Variants in DLGAP4 observed in about 807,000 individuals in gnomAD.
DLGAP4 encodes DLG associated protein 4, also known as disks large-associated protein 4.
DLGAP4 carries 18 observed loss-of-function variants against 86.9 expected under a neutral mutation model. The ratio of observed to expected loss-of-function variants is 0.21; its 90% confidence interval spans 0.14 to 0.31. DLGAP4 has a LOEUF of 0.31. Ranked by LOEUF, DLGAP4 falls within the 10% of genes least tolerant of loss-of-function variation. DLGAP4 has a pLI of 1.00. For synonymous variants in DLGAP4, 548 were observed against 574.3 expected, an observed-to-expected ratio of 0.95 and a Z score of 0.65; for missense variants, 1,085 against 1,362.6, an observed-to-expected ratio of 0.80 and a Z score of 3.21.
At chr20:36,498,986 A>G (rs1222447236) in intron 8 of DLGAP4, 1 of 473,952 alleles carries the variant, frequency 2.1e-6, no homozygotes, top group African/African-American at 2.0e-5. Flanking sequence ...CCAAGTGTGA[A>G]TAACGTCCAG....
At position 36,439,803 on chromosome 20, in the gene DLGAP4, C is replaced by T; in HGVS notation, c.1291C>T (p.Pro431Ser). 1 of 1,613,900 alleles carries T rather than the reference C, an allele frequency of 6.2e-7. No individual in the cohort carries two copies. Among genetic ancestry groups the T allele is most frequent in the Non-Finnish European group, 8.5e-7 (1 of 1,180,004 alleles). The change falls in exon 5 of 13, where the codon CCG (proline) becomes TCG (serine). Residue 431 changes from proline to serine, a missense_variant. Around this residue, in one of 2 missense-constraint regions of DLGAP4, gnomAD observed 1,082 missense variants for 1,344.1 expected, o/e 0.81. Transcript: ENST00000339266. ...SVDMLLPSKC[P>S]SWEEDYTPVS... ...GGACATGCTGCTGCCCTCCAAGTGT[C>T]CGAGCTGGGAAGAGGACTACACCCC...
intron 2 of DLGAP4, among the ~76,000 whole-genome samples, chr20:36,385,715 G>A (rs1183349070): frequency 8.5e-5 from 13 of 152,168 alleles, no homozygotes; most frequent in Non-Finnish European, 1.9e-4. Context: ...CGCCTCATGG[G>A]GCTGCTGTCA....
chr20:36,473,413 CCTT>C (rs1456745759), intron 7 of DLGAP4, among the ~76,000 whole-genome samples: 2 of 152,208 alleles, frequency 1.3e-5, no homozygotes, highest in South Asian at 2.1e-4. Context: ...GGAGGGAGCT[CCTT>C]CTATCTCTGC....
intron 1 of DLGAP4, among the ~76,000 whole-genome samples, chr20:36,333,205 G>A (rs1555891754): frequency 6.6e-6 from 1 of 152,134 alleles, no homozygotes; most frequent in African/African-American, 2.4e-5. Flanking sequence ...ACAGAGGATG[G>A]GGACAGGGTT....
intron 8 of DLGAP4, 198 bp from the exon 9 acceptor site, chr20:36,499,390 C>A: frequency 6.6e-7 from 1 of 1,519,322 alleles, no homozygotes; most frequent in Non-Finnish European, 8.9e-7. Context: ...CGCCTGCCCG[C>A]CTCCACGCGA....
chr20:36,306,849 T>C lies in DLGAP4; in HGVS notation c.-304+337T>C, dbSNP rs540226744. ...GCTCTTTTTCCCGCGGACTCCCCCG[T>C]ACCCCATATCAAGCGGCTGCCAAAG... On this transcript the variant is annotated intron_variant, in intron 1 of 12. Transcript: ENST00000339266. This position sits in a 1 kb window ranked among gnomAD's most constrained non-coding sequence, Gnocchi z 4.9. 1.1e-4 allele frequency among the ~76,000 whole-genome samples: 17 copies of C among 152,064 alleles called. No homozygotes were observed. The East Asian group carries it at 3.3e-3, about 30-fold the overall frequency.
At chr20:36,499,354 A>AACCCCCCC in intron 8 of DLGAP4, 2 of 1,072,078 alleles carry the variant, frequency 1.9e-6, no homozygotes, top group Non-Finnish European at 2.4e-6. Flanking sequence ...ACCCCATCCC[A>AACCCCCCC]CCTCCCGCCC....
At chr20:36,311,756 G>A (rs1436775442) in intron 1 of DLGAP4, among the ~76,000 whole-genome samples, 1 of 152,188 alleles carries the variant, frequency 6.6e-6, no homozygotes, top group Non-Finnish European at 1.5e-5. Flanking sequence ...CTGCACAGCC[G>A]GTGAAGTGGA....
chr20:36,422,444 G>A (rs1240341657), intron 2 of DLGAP4, among the ~76,000 whole-genome samples: 4 of 152,132 alleles, frequency 2.6e-5, no homozygotes, highest in African/African-American at 7.2e-5. Context: ...GGGAAGGGCC[G>A]TCAAGAAAGG....
intron 1 of DLGAP4, among the ~76,000 whole-genome samples, chr20:36,343,953 T>C (rs1236531988): frequency 2.0e-5 from 3 of 152,232 alleles, no homozygotes; most frequent in Admixed American, 1.3e-4. Flanking sequence ...GTGGGATCAC[T>C]ACTGAGGGAG....
At position 36,528,446 on chromosome 20, in the gene DLGAP4, A is replaced by C. The variant is rs6025504; in HGVS notation, c.*1415A>C. The stretch of plus-strand genomic sequence containing the variant: ...TGGCTGGCGCTTGCTGCAGGGGGGG[A>C]CCCCCCCCCGTCCCCAGGTGAACCA... On this transcript the variant is annotated 3_prime_UTR_variant, in exon 13 of 13. Coordinates refer to ENST00000339266, the MANE Select transcript of DLGAP4 (RefSeq NM_001365621.2). 82,159 of 141,006 alleles carry C rather than the reference A, an allele frequency of 0.58. 25,864 individuals carry two copies. Among genetic ancestry groups the C allele is most frequent in the Non-Finnish European group, 0.73 (47,666 of 65,392 alleles). The allele number at this position is 141,006 out of a possible 1,614,324, so 8.7% of individuals were successfully genotyped here.
chr20:36,467,063 T>TCC lies in DLGAP4; in HGVS notation c.1648+20134_1648+20135dup, dbSNP rs562510099. ...CTCTCTCTCTCTCTCTCTCTCTCTCTCCCCCCCCCTTCTCTCGGCCCTGCC... is the reference window on the plus strand; with the variant it reads ...CTCTCTCTCTCTCTCTCTCTCTCTCTCCCCCCCCCCCTTCTCTCGGCCCTGCC... On this transcript the variant is annotated intron_variant, in intron 7 of 12. Coordinates refer to ENST00000339266, the MANE Select transcript of DLGAP4 (RefSeq NM_001365621.2). 2.4e-3 allele frequency among the ~76,000 whole-genome samples: 93 copies of TCC among 39,378 alleles called. 4 individuals carry two copies. Among genetic ancestry groups the TCC allele is most frequent in the East Asian group, 7.4e-3 (11 of 1,478 alleles). 25.8% of individuals were successfully genotyped at this position (39,378 alleles called of 152,430 possible). A position where few individuals can be genotyped will look rare whatever the true frequency, so the allele number is the denominator to read the frequency against.
chr20:36,382,411 G>A (rs1316887344), intron 2 of DLGAP4, among the ~76,000 whole-genome samples: 1 of 151,856 alleles, frequency 6.6e-6, no homozygotes, highest in Non-Finnish European at 1.5e-5. Context: ...GGGCAGGGTA[G>A]AGACTGAGTA....
chr20:36,513,394 A>C (rs1330933594), intron 10 of DLGAP4, among the ~76,000 whole-genome samples: 2 of 148,978 alleles, frequency 1.3e-5, no homozygotes, highest in Admixed American at 6.7e-5. Context: ...TAAAAATACA[A>C]AAAATTAGCC....
chr20:36,528,571 G>A lies in DLGAP4; in HGVS notation c.*1540G>A, dbSNP rs962937839. 2 of 152,710 alleles carry A rather than the reference G, an allele frequency of 1.3e-5. No homozygotes were observed. The highest frequency in any genetic ancestry group is 1.3e-4 in the Admixed American group (2 of 15,266). The allele number at this position is 152,710 out of a possible 1,614,324, so 9.5% of individuals were successfully genotyped here. ...CCTCAACTTCCTCCTCTGTAAAACG[G>A]GGACAGTCCCTGCCCCTCCCTACCT... is the stretch of plus-strand genomic sequence containing the variant. On this transcript the variant is annotated 3_prime_UTR_variant, in exon 13 of 13. Coordinates refer to ENST00000339266, the MANE Select transcript of DLGAP4 (RefSeq NM_001365621.2).
intron 7 of DLGAP4, among the ~76,000 whole-genome samples, chr20:36,473,584 A>G (rs1056720059): frequency 1.3e-5 from 2 of 152,186 alleles, no homozygotes; most frequent in Admixed American, 6.5e-5. Flanking sequence ...AGACTTATCA[A>G]TGCAAATATG....
At chr20:36,438,017 C>T (rs1050420640) in intron 4 of DLGAP4, among the ~76,000 whole-genome samples, 4 of 152,194 alleles carry the variant, frequency 2.6e-5, no homozygotes, top group African/African-American at 4.8e-5. Context: ...AGTCCTCCCA[C>T]CTCAGCATCC....
At chr20:36,462,378 G>T in intron 7 of DLGAP4, 1 of 1,401,722 alleles carries the variant, frequency 7.1e-7, no homozygotes, top group Middle Eastern at 1.9e-4. Context: ...CATCTGTCTC[G>T]GTGGTCTCGC....
chr20:36,527,150 C>A lies in DLGAP4; in HGVS notation c.*119C>A. 1 of 1,127,138 alleles carries A rather than the reference C, an allele frequency of 8.9e-7. No individual in the cohort carries two copies. Among genetic ancestry groups the A allele is most frequent in the Non-Finnish European group, 1.2e-6 (1 of 825,536 alleles). 69.8% of individuals were successfully genotyped at this position (1,127,138 alleles called of 1,614,324 possible). A position where few individuals can be genotyped will look rare whatever the true frequency, so the allele number is the denominator to read the frequency against. ...ATTCTGTCTAGAGACCCTGAGCCAA[C>A]TTTCAAATTGACGCATACAAGGGCT... is the stretch of plus-strand genomic sequence containing the variant. On this transcript the variant is annotated 3_prime_UTR_variant, in exon 13 of 13. Coordinates refer to ENST00000339266, the MANE Select transcript of DLGAP4 (RefSeq NM_001365621.2).
Sources: allele counts gnomAD v4.1 joint callset (sites outside exome capture counted in the v4.1 genomes callset), GRCh38; gene constraint gnomAD v4.1.1; regional missense constraint gnomAD v4.1.1; non-coding constraint Gnocchi (gnomAD v3.1); transcripts MANE v1.5; gene names NCBI Gene and HGNC (gene_info 2026-07-23, HGNC 2026-07-21).